PTPRD: variants seen among roughly 807,000 people sequenced by gnomAD.
PTPRD encodes protein tyrosine phosphatase receptor type D, also known as receptor-type tyrosine-protein phosphatase delta.
In PTPRD, 34 loss-of-function variants were observed where a neutral mutation model predicts 214.5. The observed-to-expected ratio is 0.16, with a 90% CI of 0.12 to 0.21. The LOEUF (loss-of-function observed/expected upper bound fraction) is 0.21, where lower values mean the gene tolerates loss of function less well. Among genes scored for constraint, PTPRD ranks in the 10% least tolerant of loss-of-function variants. The probability of loss-of-function intolerance (pLI) is 1.00; values close to 1 mark genes in which losing one functional copy is unlikely to be tolerated. For synonymous variants in PTPRD, 1,128 were observed against 845.7 expected (o/e 1.33, Z -5.79); for missense variants, 2,545 against 2,398.7 (o/e 1.06, Z -1.27).
At chr9:8,405,461 T>C (rs1265071143) in intron 35 of PTPRD, among the ~76,000 whole-genome samples, 1 of 152,180 alleles carries the variant, frequency 6.6e-6, no homozygotes, top group East Asian at 1.9e-4. Flanking sequence ...CAATCTAAAA[T>C]AAACATCAAA....
At chr9:8,927,429 A>C (rs576513842) in intron 11 of PTPRD, among the ~76,000 whole-genome samples, 237 of 151,548 alleles carry the variant, frequency 1.6e-3, no homozygotes, top group African/African-American at 5.6e-3. Context: ...TCATTGTTCA[A>C]CTCCCACTTA....
chr9:9,162,858 C>T (rs117138341), intron 10 of PTPRD, among the ~76,000 whole-genome samples: 1,980 of 152,166 alleles, frequency 0.013, 24 homozygotes, highest in Middle Eastern at 0.02. Flanking sequence ...ACCCTGCTTT[C>T]ACACAGGTTA....
In PTPRD at chr9:8,316,678, T is replaced by TAA; in HGVS notation, c.*1194_*1195dup. On this transcript the variant is annotated 3_prime_UTR_variant, in exon 46 of 46. Coordinates refer to ENST00000381196, the MANE Select transcript of PTPRD (RefSeq NM_002839.4). ...TATTGAACTTTGTTGGAAGCCTGACTAACAAACAAACAAAACAATTTGTGG... is the reference window on the plus strand; with the variant it reads ...TATTGAACTTTGTTGGAAGCCTGACTAAAACAAACAAACAAAACAATTTGTGG... 1 of 230,426 alleles carries TAA rather than the reference T, an allele frequency of 4.3e-6. No individual in the cohort carries two copies. The highest frequency in any genetic ancestry group is 1.8e-4 in the South Asian group (1 of 5,488). The allele number at this position is 230,426 out of a possible 1,614,324, so 14.3% of individuals were successfully genotyped here.
chr9:9,454,883 C>G (rs1490997726), intron 8 of PTPRD, among the ~76,000 whole-genome samples: 7 of 150,778 alleles, frequency 4.6e-5, no homozygotes, highest in Non-Finnish European at 7.4e-5. Context: ...TGCATGATTA[C>G]TGGTTATTAA....
At chr9:9,362,308 T>C (rs190537606) in intron 9 of PTPRD, among the ~76,000 whole-genome samples, 78 of 151,268 alleles carry the variant, frequency 5.2e-4, no homozygotes, top group African/African-American at 1.6e-3. Flanking sequence ...AATAAATATA[T>C]AGGCATATAA....
At chr9:9,833,198 G>A (rs1028692027) in intron 5 of PTPRD, among the ~76,000 whole-genome samples, 1 of 151,964 alleles carries the variant, frequency 6.6e-6, no homozygotes, top group Non-Finnish European at 1.5e-5. Flanking sequence ...TAATCACATA[G>A]GTTTTCTATT....
At chr9:10,194,343 TATAGAGAGAGAGAG>T (rs1230381275) in intron 3 of PTPRD, among the ~76,000 whole-genome samples, 299 of 40,796 alleles carry the variant, frequency 7.3e-3, no homozygotes, top group Middle Eastern at 0.03. Context: ...TATATATATA[TATAGAGAGAGAGAG>T]AGAGAGAGAG....
At chr9:9,502,653 T>C (rs1222372062) in intron 8 of PTPRD, among the ~76,000 whole-genome samples, 2 of 151,908 alleles carry the variant, frequency 1.3e-5, no homozygotes, top group Non-Finnish European at 2.9e-5. Context: ...ATAGCAGCTT[T>C]ATTCATAATA....
At chr9:8,376,581 G>A (rs770502367) in intron 38 of PTPRD, 26 bp downstream of exon 38, 4 of 1,611,958 alleles carry the variant, frequency 2.5e-6, no homozygotes, top group South Asian at 1.1e-5. Context: ...GAAGGGAAAG[G>A]GAGGAGAAAA....
At chr9:8,553,284 A>T (rs2082657188) in intron 14 of PTPRD, among the ~76,000 whole-genome samples, 1 of 152,156 alleles carries the variant, frequency 6.6e-6, no homozygotes. Flanking sequence ...AAAGGAAAAC[A>T]CAGAGTAGAA....
intron 12 of PTPRD, among the ~76,000 whole-genome samples, chr9:8,693,480 C>G (rs2097850121): frequency 6.6e-6 from 1 of 152,142 alleles, no homozygotes; most frequent in Admixed American, 6.6e-5. Flanking sequence ...TATTAGCATT[C>G]ACTATGTTTT....
At position 8,473,821 on chromosome 9, in the gene PTPRD, C is replaced by T. The variant is rs567051220; in HGVS notation, c.3414-2736G>A. On this transcript the variant is annotated intron_variant, in intron 30 of 45. Transcript: ENST00000381196. ...CAAGATATCCACAACCTTTTTTCTC[C>T]GCTGATCTCTAAAGCATTCATCTAG... Among the ~76,000 whole-genome samples, 18 of 152,250 alleles carry T rather than the reference C, an allele frequency of 1.2e-4. No individual in the cohort carries two copies. In the East Asian group the frequency reaches 3.5e-3, roughly 29 times the overall value.
rs10978073 is a variant in PTPRD, at chr9:9,903,520, A to C, written c.-368+34987T>G. On this transcript the variant is annotated intron_variant, in intron 5 of 45. Coordinates refer to ENST00000381196, the MANE Select transcript of PTPRD (RefSeq NM_002839.4). ...ATAATGGGTATTTCTCATGAAACAG[A>C]TTAGTTCTGTATCACTTACTTTACA... Among the ~76,000 whole-genome samples the C allele has an allele frequency of 0.027, 4,185 of 152,232 alleles. 363 individuals are homozygous for C. The East Asian group carries it at 0.34, about 12-fold the overall frequency.
chr9:9,580,560 T>G (rs1391124438), intron 7 of PTPRD, among the ~76,000 whole-genome samples: 1 of 146,858 alleles, frequency 6.8e-6, no homozygotes, highest in Non-Finnish European at 1.5e-5. Context: ...TTTTTTTTTT[T>G]TTTTTTGAGA....
At chr9:9,126,560 T>G (rs2099834218) in intron 10 of PTPRD, among the ~76,000 whole-genome samples, 1 of 152,202 alleles carries the variant, frequency 6.6e-6, no homozygotes, top group Non-Finnish European at 1.5e-5. Context: ...ATTCAAAACA[T>G]TTCAAATATT....
chr9:9,767,850 T>A lies in PTPRD; in HGVS notation c.-367-999A>T, dbSNP rs143076047. ...TTCTAGAAGAAACCTAACTGGACCATCCAGTAAACTGGATTCAGACTTATG... is the reference window on the plus strand; with the variant it reads ...TTCTAGAAGAAACCTAACTGGACCAACCAGTAAACTGGATTCAGACTTATG... On this transcript the variant is annotated intron_variant, in intron 5 of 45. Transcript: ENST00000381196. Among the ~76,000 whole-genome samples, 13 of 152,248 alleles carry A rather than the reference T, an allele frequency of 8.5e-5. No individual in the cohort carries two copies. The East Asian group carries it at 2.3e-3, about 27-fold the overall frequency.
At chr9:8,605,204 A>G (rs1435060827) in intron 14 of PTPRD, among the ~76,000 whole-genome samples, 1 of 152,210 alleles carries the variant, frequency 6.6e-6, no homozygotes, top group Non-Finnish European at 1.5e-5. Context: ...AAAATAATGA[A>G]GTTGGAAAAA....
rs115927962 is a variant in PTPRD, at chr9:9,148,103, A to C, written c.-143+35201T>G. On this transcript the variant is annotated intron_variant, in intron 10 of 45. Coordinates refer to ENST00000381196, the MANE Select transcript of PTPRD (RefSeq NM_002839.4). Reference sequence around the variant, plus strand: ...AGCTTTTGTATTGCATTTGCAAGAAAAACATACAAAAATAAAGAAGAAAAT... The same window carrying C: ...AGCTTTTGTATTGCATTTGCAAGAACAACATACAAAAATAAAGAAGAAAAT... Among the ~76,000 whole-genome samples, 553 of 152,326 alleles carry C rather than the reference A, an allele frequency of 3.6e-3. 4 individuals are homozygous for C. Among genetic ancestry groups the C allele is most frequent in the African/African-American group, 0.012 (512 of 41,564 alleles).
At chr9:9,469,035 G>C (rs2094415171) in intron 8 of PTPRD, among the ~76,000 whole-genome samples, 1 of 152,052 alleles carries the variant, frequency 6.6e-6, no homozygotes, top group South Asian at 2.1e-4. Context: ...ATGACTAAGA[G>C]CTACATTTGT....
Sources: allele counts gnomAD v4.1 joint callset (sites outside exome capture counted in the v4.1 genomes callset), GRCh38; gene constraint gnomAD v4.1.1; transcripts MANE v1.5; gene names NCBI Gene and HGNC (gene_info 2026-07-23, HGNC 2026-07-21).